The following USP49 variants were observed in gnomAD, a reference collection of about 807,000 sequenced individuals.
USP49 encodes the protein ubiquitin carboxyl-terminal hydrolase 49.
Under a neutral mutation model 58.6 loss-of-function variants are expected in USP49, and 24 were observed. The observed-to-expected ratio is 0.41, with a 90% CI of 0.30 to 0.58. The LOEUF is 0.58. USP49 is among the 20% of genes least tolerant of loss of function. The probability of loss-of-function intolerance (pLI) is 0.30; values close to 1 mark genes in which losing one functional copy is unlikely to be tolerated. For missense variants in USP49, 703 were observed against 866.1 expected (o/e 0.81, Z 2.36); for synonymous variants, 408 against 365.1 (o/e 1.12, Z -1.34).
intron 3 of USP49, among the ~76,000 whole-genome samples, chr6:41,816,745 T>A (rs1773358934): frequency 6.6e-6 from 1 of 151,884 alleles, no homozygotes; most frequent in Admixed American, 6.6e-5. Context: ...TGAGACAGGG[T>A]CTTACTCAGT....
At chr6:41,798,644 G>C (rs758359513) in intron 7 of USP49, 80 bp downstream of exon 7, 15 of 1,607,968 alleles carry the variant, frequency 9.3e-6, no homozygotes, top group Non-Finnish European at 1.2e-5. Context: ...CCATGGGATG[G>C]AAATAAAAGG....
intron 2 of USP49, among the ~76,000 whole-genome samples, chr6:41,876,889 G>A (rs934137033): frequency 6.6e-6 from 1 of 152,194 alleles, no homozygotes; most frequent in African/African-American, 2.4e-5. Flanking sequence ...AAATTAGGAA[G>A]CCCAGCATAG....
chr6:41,895,304 CCCCGGCCCCCTCT>C lies in USP49; in HGVS notation c.-185+7_-185+19del, dbSNP rs1774880055. On this transcript the variant is annotated splice_region_variant and intron_variant, in intron 1 of 7. Transcript: ENST00000682992. ...GCCTCCCCACCTCCTCCGTCCCCTC[CCCCGGCCCCCTCT>C]ATTTACCGCCATCATCAGCACGCGC... 1 of 148,380 alleles carries C rather than the reference CCCCGGCCCCCTCT, an allele frequency of 6.7e-6. No individual in the cohort carries two copies. The allele number at this position is 148,380 out of a possible 1,614,324, so 9.2% of individuals were successfully genotyped here.
At chr6:41,893,290 A>G (rs1372844087) in intron 1 of USP49, among the ~76,000 whole-genome samples, 1 of 152,182 alleles carries the variant, frequency 6.6e-6, no homozygotes, top group African/African-American at 2.4e-5. Context: ...CACAAAGCTA[A>G]AGGCAGCTCA....
chr6:41,888,091 G>A (rs1036206966), intron 2 of USP49, among the ~76,000 whole-genome samples: 2 of 112,984 alleles, frequency 1.8e-5, no homozygotes, highest in East Asian at 5.6e-4. Context: ...GTGTCACTCT[G>A]TCATCCAGGC....
At chr6:41,826,018 C>G (rs1773530997) in intron 3 of USP49, among the ~76,000 whole-genome samples, 1 of 152,196 alleles carries the variant, frequency 6.6e-6, no homozygotes, top group East Asian at 1.9e-4. Flanking sequence ...AATCCCGGCA[C>G]TTTGGGAGAC....
chr6:41,808,865 C>G (rs1458011480), intron 3 of USP49, among the ~76,000 whole-genome samples: 1 of 152,086 alleles, frequency 6.6e-6, no homozygotes, highest in Non-Finnish European at 1.5e-5. Context: ...GAGTTCAAGA[C>G]CAGCCTAGCC....
At chr6:41,855,862 ACAT>A (rs994804077) in intron 3 of USP49, among the ~76,000 whole-genome samples, 2 of 151,712 alleles carry the variant, frequency 1.3e-5, no homozygotes, top group African/African-American at 4.8e-5. Context: ...AGAATGGCCA[ACAT>A]GGCGAAACCC....
intron 2 of USP49, among the ~76,000 whole-genome samples, chr6:41,885,827 G>A (rs1774701108): frequency 6.6e-6 from 1 of 152,000 alleles, no homozygotes; most frequent in Non-Finnish European, 1.5e-5. Context: ...TCCCACCTTG[G>A]CCTCCCAATG....
At chr6:41,893,505 T>C (rs1774842230) in intron 1 of USP49, among the ~76,000 whole-genome samples, 1 of 152,012 alleles carries the variant, frequency 6.6e-6, no homozygotes, top group African/African-American at 2.4e-5. Context: ...ATGAAAATGC[T>C]GTCCATAAAA....
At chr6:41,894,165 C>T (rs1202720959) in intron 1 of USP49, 1 of 152,280 alleles carries the variant, frequency 6.6e-6, no homozygotes, top group Non-Finnish European at 1.5e-5. Context: ...GGGCCCATCT[C>T]TTCCTGCTCC....
At chr6:41,845,063 G>C (rs935440392) in intron 3 of USP49, among the ~76,000 whole-genome samples, 2 of 151,976 alleles carry the variant, frequency 1.3e-5, no homozygotes, top group Non-Finnish European at 2.9e-5. Context: ...ACTACGCCCG[G>C]CTAATTTTTG....
At chr6:41,867,708 C>T (rs536831515) in intron 3 of USP49, among the ~76,000 whole-genome samples, 45 of 151,992 alleles carry the variant, frequency 3.0e-4, no homozygotes, top group Middle Eastern at 3.4e-3. Flanking sequence ...GCCGAGATCA[C>T]GCCACTGCAC....
chr6:41,855,548 C>T (rs959446929), intron 3 of USP49, among the ~76,000 whole-genome samples: 3 of 152,056 alleles, frequency 2.0e-5, no homozygotes, highest in Non-Finnish European at 4.4e-5. Context: ...AAGAAAAGTA[C>T]TTTTATTATT....
chr6:41,802,412 A>T (rs201109753), intron 5 of USP49, among the ~76,000 whole-genome samples: 5,066 of 87,048 alleles, frequency 0.058, 233 homozygotes, highest in African/African-American at 0.11. Flanking sequence ...TTTATTTTTT[A>T]TTTTATTTTA....
chr6:41,791,013 A>G lies in USP49; in HGVS notation c.*5520T>C, dbSNP rs1263743346. 6.6e-6 allele frequency: 1 copy of G among 152,236 alleles called. No individual in the cohort carries two copies. Among genetic ancestry groups the G allele is most frequent in the Non-Finnish European group, 1.5e-5 (1 of 68,044 alleles). The allele number at this position is 152,236 out of a possible 1,614,324, so 9.4% of individuals were successfully genotyped here. ...ATCAGATCACTTGCTAAGACAAGAA[A>G]TACCAGCACCTCCTGTTCTTTATAG... On this transcript the variant is annotated 3_prime_UTR_variant, in exon 8 of 8. Transcript: ENST00000682992.
Position 41,796,743 on chromosome 6 carries a change from A to G in USP49, c.1877-20T>C, listed in dbSNP as rs1198441858. On this transcript the variant is annotated intron_variant, in intron 7 of 7. Transcript: ENST00000682992. ...AAAAACCTAGGAAACCAAAGGAGAA[A>G]AAGAGAGAAAATGACTACCCAATTC... The G allele has an allele frequency of 4.2e-6, 3 of 714,160 alleles. No individual in the cohort carries two copies. Among genetic ancestry groups the G allele is most frequent in the Admixed American group, 2.0e-5 (1 of 49,108 alleles). The allele number at this position is 714,160 out of a possible 1,614,324, so 44.2% of individuals were successfully genotyped here.
intron 2 of USP49, among the ~76,000 whole-genome samples, chr6:41,881,287 C>CAAAAAAAA (rs1774601790): frequency 2.4e-4 from 1 of 4,202 alleles, no homozygotes; most frequent in Non-Finnish European, 3.6e-4. Context: ...GCATTAAATA[C>CAAAAAAAA]CAAAAAAAAA....
At chr6:41,889,815 A>G (rs1392256645) in intron 2 of USP49, among the ~76,000 whole-genome samples, 1 of 152,208 alleles carries the variant, frequency 6.6e-6, no homozygotes, top group East Asian at 1.9e-4. Context: ...ATTTTCTTCA[A>G]TTTGACTTGT....
Sources: gnomAD v4.1 joint callset for allele counts (sites outside exome capture counted in the v4.1 genomes callset) on GRCh38, gnomAD v4.1.1 for gene constraint, MANE v1.5 for transcripts, NCBI Gene and HGNC (gene_info 2026-07-23, HGNC 2026-07-21) for gene names.